The following MAP2 variants were observed in gnomAD, a reference collection of about 807,000 sequenced individuals.
The protein encoded by MAP2 is microtubule-associated protein 2.
MAP2 carries 14 observed loss-of-function variants against 137.6 expected under a neutral mutation model. That is an observed-to-expected ratio of 0.10 (90% CI 0.07 to 0.16). MAP2 has a LOEUF of 0.16. MAP2 is among the 10% of genes least tolerant of loss of function. The pLI is 1.00. For synonymous variants in MAP2, 786 were observed against 782.3 expected, an observed-to-expected ratio of 1.00 and a Z score of -0.08; for missense variants, 2,088 against 2,191.5, an observed-to-expected ratio of 0.95 and a Z score of 0.94.
intron 2 of MAP2, among the ~76,000 whole-genome samples, chr2:209,514,509 T>A (rs2062181248): frequency 6.6e-6 from 1 of 152,130 alleles, no homozygotes; most frequent in South Asian, 2.1e-4. Context: ...TCTTTATTCT[T>A]TTCCTAAATT....
At chr2:209,677,096 C>A (rs2052161107) in intron 5 of MAP2, among the ~76,000 whole-genome samples, 1 of 151,674 alleles carries the variant, frequency 6.6e-6, no homozygotes, top group African/African-American at 2.4e-5. Flanking sequence ...CACCCAGCAG[C>A]CTGGCTTTAT....
intron 11 of MAP2, chr2:209,704,667 GAGA>G: frequency 6.6e-7 from 1 of 1,507,492 alleles, no homozygotes; most frequent in Non-Finnish European, 8.9e-7. Context: ...TAGAATTTGG[GAGA>G]AGGTTATGTT....
At chr2:209,697,117 A>C in intron 10 of MAP2, 66 bp downstream of exon 10, 1 of 1,429,094 alleles carries the variant, frequency 7.0e-7, no homozygotes, top group Non-Finnish European at 9.3e-7. Flanking sequence ...AAATCTCATT[A>C]CTGTAGCAGC....
chr2:209,425,371 AT>A (rs1244044927), intron 1 of MAP2, among the ~76,000 whole-genome samples: 1 of 152,228 alleles, frequency 6.6e-6, no homozygotes, highest in Non-Finnish European at 1.5e-5. Flanking sequence ...ACACAAATGT[AT>A]AATACACTAT....
intron 2 of MAP2, among the ~76,000 whole-genome samples, chr2:209,526,526 A>T (rs2064081688): frequency 6.7e-6 from 1 of 148,542 alleles, no homozygotes; most frequent in African/African-American, 2.5e-5. Context: ...TTTAAAGAGC[A>T]CTCTAGATTT....
chr2:209,498,831 A>G (rs1410376707), intron 1 of MAP2, among the ~76,000 whole-genome samples: 1 of 152,164 alleles, frequency 6.6e-6, no homozygotes, highest in African/African-American at 2.4e-5. Flanking sequence ...CTGGCCCACA[A>G]AAACATTCTT....
intron 3 of MAP2, among the ~76,000 whole-genome samples, chr2:209,599,041 T>A (rs1037414614): frequency 2.6e-5 from 4 of 152,114 alleles, no homozygotes; most frequent in Admixed American, 2.6e-4. Flanking sequence ...CCACAATGGT[T>A]GAACTAGTTT....
rs189594134 is a variant in MAP2, at chr2:209,458,716, T to C, written c.-222+34440T>C. Among the ~76,000 whole-genome samples the C allele has an allele frequency of 3.6e-3, 543 of 152,236 alleles. 5 individuals carry two copies. Among genetic ancestry groups the C allele is most frequent in the South Asian group, 0.033 (161 of 4,832 alleles). Reference sequence around the variant, plus strand: ...GGGTAGAGCTCAGTATTTCCAAACCTGAATCACACAGGCTGCCTCCTGCCC... The same window carrying C: ...GGGTAGAGCTCAGTATTTCCAAACCCGAATCACACAGGCTGCCTCCTGCCC... On this transcript the variant is annotated intron_variant, in intron 1 of 15. Coordinates refer to ENST00000682079, the MANE Select transcript of MAP2 (RefSeq NM_001375505.1).
chr2:209,692,490 G>A (rs2059194678), intron 7 of MAP2, 135 bp from the exon 8 acceptor site: 1 of 882,450 alleles, frequency 1.1e-6, no homozygotes. Context: ...ACTTTTACAT[G>A]GGTAGCATGC....
intron 1 of MAP2, among the ~76,000 whole-genome samples, chr2:209,434,829 CTCTCTA>C (rs1435492292): frequency 4.7e-5 from 5 of 107,512 alleles, no homozygotes; most frequent in African/African-American, 2.7e-4. Context: ...CTCTCTCTCT[CTCTCTA>C]TATATATATA....
intron 2 of MAP2, among the ~76,000 whole-genome samples, chr2:209,556,024 C>CT (rs34673279): frequency 0.75 from 100,891 of 134,106 alleles, 38,730 homozygotes; most frequent in African/African-American, 0.93. Flanking sequence ...GGCATTCTTT[C>CT]TTTTTTTTTT....
At chr2:209,570,382 G>T (rs1333476328) in intron 2 of MAP2, among the ~76,000 whole-genome samples, 1 of 151,860 alleles carries the variant, frequency 6.6e-6, no homozygotes, top group Admixed American at 6.6e-5. Flanking sequence ...TACCAGCTGT[G>T]TTCCCCTGGG....
chr2:209,655,988 A>C (rs573475606), intron 5 of MAP2, among the ~76,000 whole-genome samples: 2 of 152,348 alleles, frequency 1.3e-5, no homozygotes, highest in East Asian at 3.9e-4. Flanking sequence ...TATATAAATA[A>C]GATCACATGA....
intron 3 of MAP2, among the ~76,000 whole-genome samples, chr2:209,603,547 C>T (rs2083649774): frequency 1.3e-5 from 2 of 152,088 alleles, no homozygotes; most frequent in African/African-American, 4.8e-5. Flanking sequence ...CAAGCATTTT[C>T]AAAGCTTTCT....
chr2:209,591,083 A>C (rs73071056), intron 3 of MAP2, among the ~76,000 whole-genome samples: 2,577 of 152,094 alleles, frequency 0.017, 85 homozygotes, highest in African/African-American at 0.059. Context: ...TTTTGTTTTT[A>C]AGCTTAATTT....
intron 2 of MAP2, among the ~76,000 whole-genome samples, chr2:209,573,606 A>T (rs2074808876): frequency 6.6e-6 from 1 of 151,848 alleles, no homozygotes; most frequent in Non-Finnish European, 1.5e-5. Context: ...TTATTACTTT[A>T]TTTTTTACTG....
chr2:209,439,958 A>G (rs1697348264), intron 1 of MAP2, among the ~76,000 whole-genome samples: 1 of 151,618 alleles, frequency 6.6e-6, no homozygotes, highest in African/African-American at 2.4e-5. Flanking sequence ...AAAAATCATG[A>G]TAAGTTACAA....
intron 5 of MAP2, among the ~76,000 whole-genome samples, chr2:209,671,745 A>G (rs1038595841): frequency 5.3e-5 from 8 of 151,900 alleles, no homozygotes; most frequent in African/African-American, 1.9e-4. Context: ...AAAGAAATCA[A>G]CAAAAATATG....
At position 209,662,298 on chromosome 2, in the gene MAP2, C is replaced by T. The variant is rs553195682; in HGVS notation, c.262+8866C>T. 3.7e-4 allele frequency among the ~76,000 whole-genome samples: 56 copies of T among 152,308 alleles called. 2 individuals carry two copies. Among genetic ancestry groups the T allele is most frequent in the Admixed American group, 3.4e-3 (52 of 15,302 alleles). ...TCCCATGCACTGTGGAAATCAGTCT[C>T]GTTTCTTGTCTCGCTTTGTGCTAAA... On this transcript the variant is annotated intron_variant, in intron 5 of 15. Coordinates refer to ENST00000682079, the MANE Select transcript of MAP2 (RefSeq NM_001375505.1).
Sources: gnomAD v4.1 joint callset for allele counts (sites outside exome capture counted in the v4.1 genomes callset) on GRCh38, gnomAD v4.1.1 for gene constraint, MANE v1.5 for transcripts, NCBI Gene and HGNC (gene_info 2026-07-23, HGNC 2026-07-21) for gene names.